Variants in ADGRE5 observed in about 807,000 individuals in gnomAD.
ADGRE5 encodes adhesion G protein-coupled receptor E5, also known as CD97 molecule.
In ADGRE5, 72 loss-of-function variants were observed where a neutral mutation model predicts 100.3. The observed-to-expected ratio is 0.72, with a 90% CI of 0.59 to 0.87. The LOEUF (loss-of-function observed/expected upper bound fraction) is 0.87, where lower values mean the gene tolerates loss of function less well. Among genes scored for constraint, ADGRE5 ranks in the 40% least tolerant of loss-of-function variants. The probability of loss-of-function intolerance (pLI) is 0.00; values close to 1 mark genes in which losing one functional copy is unlikely to be tolerated. For missense variants in ADGRE5, 959 were observed against 1,094.7 expected, an observed-to-expected ratio of 0.88 and a Z score of 1.75; for synonymous variants, 439 against 447.8, an observed-to-expected ratio of 0.98 and a Z score of 0.25.
intron 1 of ADGRE5, among the ~76,000 whole-genome samples, chr19:14,387,896 G>A (rs1975417929): frequency 3.3e-5 from 5 of 151,428 alleles, no homozygotes; most frequent in Admixed American, 2.6e-4. Flanking sequence ...CCAATATGGT[G>A]AAACCCTGTC....
chr19:14,387,087 G>A (rs868279287), intron 1 of ADGRE5, among the ~76,000 whole-genome samples: 2 of 152,092 alleles, frequency 1.3e-5, no homozygotes, highest in Admixed American at 6.6e-5. Context: ...CAGGCACACC[G>A]GACAGCAGTC....
At chr19:14,404,869 T>A in intron 13 of ADGRE5, 1 of 305,404 alleles carries the variant, frequency 3.3e-6, no homozygotes, top group Non-Finnish European at 6.1e-6. Flanking sequence ...CTTGCCCGTT[T>A]TTTTTTTTTT....
chr19:14,396,025 C>A (rs185599975), intron 4 of ADGRE5, among the ~76,000 whole-genome samples: 51 of 152,348 alleles, frequency 3.3e-4, no homozygotes, highest in Non-Finnish European at 6.2e-4. Context: ...ATGTCCCCTG[C>A]ATTTGGTTCT....
intron 13 of ADGRE5, 111 bp downstream of exon 13, chr19:14,404,673 TG>T: frequency 4.7e-6 from 5 of 1,060,816 alleles, no homozygotes; most frequent in Non-Finnish European, 6.8e-6. Flanking sequence ...TATATCTGCA[TG>T]GTTGCACAGC....
rs771146818 is a variant in ADGRE5 at position 14,407,992 on chromosome 19, G to A, written c.2461G>A (p.Gly821Ser). 1 of 1,614,168 alleles carries A rather than the reference G, an allele frequency of 6.2e-7. No homozygotes were observed. The highest frequency in any genetic ancestry group is 1.3e-5 in the African/African-American group (1 of 75,042). The change falls in exon 19 of 20, where the codon GGC (glycine) becomes AGC (serine). Residue 821 changes from glycine (G) to serine (S), a missense_variant. Physicochemically the swap from Gly to Ser is moderately conservative, Grantham distance 56. Around this residue, in one of 6 missense-constraint regions of ADGRE5, gnomAD observed 428 missense variants for 386.2 expected, o/e 1.11. Transcript: ENST00000242786. Reference protein sequence around the residue: ...SEFTSTTSGTGHNQTRALRAS... With the variant: ...SEFTSTTSGTSHNQTRALRAS... ...ATTCACCTCCACCACGTCTGGCACTGGCCACAATCAGACCCGGGTAAGGGG... is the reference window on the plus strand; with the variant it reads ...ATTCACCTCCACCACGTCTGGCACTAGCCACAATCAGACCCGGGTAAGGGG...
At chr19:14,399,001 C>A (rs1267934206) in intron 9 of ADGRE5, among the ~76,000 whole-genome samples, 1 of 151,646 alleles carries the variant, frequency 6.6e-6, no homozygotes, top group Non-Finnish European at 1.5e-5. Context: ...ACCACCATGC[C>A]TGGCTTATTT....
intron 9 of ADGRE5, among the ~76,000 whole-genome samples, chr19:14,399,797 T>C (rs1159395978): frequency 6.6e-6 from 1 of 151,968 alleles, no homozygotes; most frequent in Non-Finnish European, 1.5e-5. Context: ...AAAAATGATG[T>C]GAGCCACTTA....
intron 9 of ADGRE5, chr19:14,398,418 C>T (rs187727684): frequency 2.0e-5 from 8 of 403,146 alleles, no homozygotes; most frequent in African/African-American, 1.2e-4. Flanking sequence ...GCCTGTAATC[C>T]CAGCACTTTG....
chr19:14,392,886 G>C (rs1465188414), intron 4 of ADGRE5, among the ~76,000 whole-genome samples: 3 of 149,338 alleles, frequency 2.0e-5, no homozygotes, highest in African/African-American at 7.5e-5. Context: ...TTAGGTGACA[G>C]AGCGAGACTC....
chr19:14,407,196 C>T lies in ADGRE5; in HGVS notation c.2343C>T (p.Phe781=). Residue 781 remains phenylalanine, a synonymous_variant, in exon 18 of 20, where the codon TTC becomes TTT. Coordinates refer to ENST00000242786, the MANE Select transcript of ADGRE5 (RefSeq NM_078481.4). The stretch of plus-strand genomic sequence containing the variant: ...TCCTCAACTGCCTGCAGGGCGCCTT[C>T]CTCTACCTGCTGCACTGCCTGCTCA... The part of the protein sequence containing the change: ...FTILNCLQGA[F]LYLLHCLLNK... The T allele has an allele frequency of 6.2e-7, 1 of 1,614,100 alleles. No individual in the cohort carries two copies. The highest frequency in any genetic ancestry group is 8.5e-7 in the Non-Finnish European group (1 of 1,180,016).
Position 14,396,364 on chromosome 19 carries a change from C to G in ADGRE5, c.369C>G (p.Asn123Lys). The part of the protein sequence containing the change: ...TCQDVDECQQ[N>K]PRLCKSYGTC... ...CAGATGTGGACGAATGTCAGCAGAA[C>G]CCAAGGCTCTGTAAAAGCTACGGCA... Residue 123 changes from asparagine to lysine, a missense_variant, in exon 5 of 20, where the codon AAC becomes AAG. Physicochemically the swap from Asn to Lys is moderately conservative, Grantham distance 94. This residue lies in a region of ADGRE5 where 114 missense variants were observed against 195.7 expected (regional missense o/e 0.58). Transcript: ENST00000242786. The G allele has an allele frequency of 6.2e-7, 1 of 1,614,272 alleles. No homozygotes were observed. The highest frequency in any genetic ancestry group is 1.1e-5 in the South Asian group (1 of 91,090).
In ADGRE5 at chr19:14,388,827, G is replaced by T; in HGVS notation, c.190+9G>T. ...GACGGAGACTTGTGACGGTACAGAG[G>T]CTTGAGGGCAGCGCAGGGGACATCC... On this transcript the variant is annotated intron_variant, in intron 3 of 19. Coordinates refer to ENST00000242786, the MANE Select transcript of ADGRE5 (RefSeq NM_078481.4). 1 of 1,611,998 alleles carries T rather than the reference G, an allele frequency of 6.2e-7. No individual in the cohort carries two copies. Among genetic ancestry groups the T allele is most frequent in the South Asian group, 1.1e-5 (1 of 91,008 alleles).
intron 9 of ADGRE5, among the ~76,000 whole-genome samples, chr19:14,398,881 G>A (rs1975895471): frequency 6.7e-6 from 1 of 149,508 alleles, no homozygotes; most frequent in African/African-American, 2.5e-5. Context: ...TGGCTCTGTT[G>A]CCCATTCTGG....
At chr19:14,381,653 G>A in intron 1 of ADGRE5, 108 bp downstream of exon 1, 7 of 1,324,840 alleles carry the variant, frequency 5.3e-6, no homozygotes, top group Non-Finnish European at 6.2e-6. Context: ...GCCTGCGATA[G>A]AGGAAGCCAC....
At position 14,401,511 on chromosome 19, in the gene ADGRE5, G is replaced by C; in HGVS notation, c.1023G>C (p.Leu341=). 1.2e-6 allele frequency: 2 copies of C among 1,614,106 alleles called. No individual in the cohort carries two copies. Among genetic ancestry groups the C allele is most frequent in the Non-Finnish European group, 8.5e-7 (1 of 1,180,032 alleles). The change falls in exon 10 of 20, where the codon CTG becomes CTC. Residue 341 remains leucine, a synonymous_variant. Coordinates refer to ENST00000242786, the MANE Select transcript of ADGRE5 (RefSeq NM_078481.4). The surrounding 1 kb of genome is among the most constrained non-coding windows in gnomAD (Gnocchi z 4.1). ...LSNLEDIMRI[L]AKSLPKGPFT... ...ACCTTGAAGATATCATGAGGATCCTGGCCAAGAGCCTGCCTAAAGGCCCCT... is the reference window on the plus strand; with the variant it reads ...ACCTTGAAGATATCATGAGGATCCTCGCCAAGAGCCTGCCTAAAGGCCCCT...
At chr19:14,385,751 G>C (rs965256277) in intron 1 of ADGRE5, among the ~76,000 whole-genome samples, 3 of 151,916 alleles carry the variant, frequency 2.0e-5, no homozygotes, top group African/African-American at 7.3e-5. Context: ...CTCAGAGCCT[G>C]GGTGATCCAA....
intron 4 of ADGRE5, among the ~76,000 whole-genome samples, chr19:14,394,589 A>G (rs918696793): frequency 6.6e-6 from 1 of 152,162 alleles, no homozygotes; most frequent in African/African-American, 2.4e-5. Flanking sequence ...GCTGGCACTC[A>G]GGATATTTCA....
chr19:14,384,209 C>T (rs1347365141), intron 1 of ADGRE5, among the ~76,000 whole-genome samples: 1 of 151,428 alleles, frequency 6.6e-6, no homozygotes, highest in Non-Finnish European at 1.5e-5. Context: ...TGGGGGGTTT[C>T]GGCCTTGGTT....
At chr19:14,398,179 A>T (rs374831369) in intron 9 of ADGRE5, 40 bp downstream of exon 9, 3 of 1,601,964 alleles carry the variant, frequency 1.9e-6, no homozygotes, top group Non-Finnish European at 1.7e-6. Flanking sequence ...ACAGTGTAGA[A>T]TCAGCTAGCG....
Sources: gnomAD v4.1 joint callset for allele counts (sites outside exome capture counted in the v4.1 genomes callset) on GRCh38, gnomAD v4.1.1 for gene constraint, gnomAD v4.1.1 regional missense constraint, Gnocchi (gnomAD v3.1) non-coding constraint, MANE v1.5 for transcripts, NCBI Gene and HGNC (gene_info 2026-07-23, HGNC 2026-07-21) for gene names.